NFAT5: variants seen among roughly 807,000 people sequenced by gnomAD.
NFAT5 encodes the protein nuclear factor of activated T cells 5.
Under a neutral mutation model 166.5 loss-of-function variants are expected in NFAT5, and 31 were observed. The ratio of observed to expected loss-of-function variants is 0.19; its 90% CI spans 0.14 to 0.25. NFAT5 has a LOEUF of 0.25. NFAT5 is among the 10% of genes least tolerant of loss of function. The probability of loss-of-function intolerance (pLI) is 1.00; values close to 1 mark genes in which losing one functional copy is unlikely to be tolerated. For missense variants in NFAT5, 1,449 were observed against 1,821.8 expected (o/e 0.80, Z 3.72); for synonymous variants, 612 against 639.7 (o/e 0.96, Z 0.65).
intron 2 of NFAT5, 104 bp from the exon 3 acceptor site, chr16:69,626,299 C>A: frequency 9.6e-7 from 1 of 1,039,468 alleles, no homozygotes; most frequent in Non-Finnish European, 1.3e-6. Flanking sequence ...GTGAATAATA[C>A]AGTTCTCCTC....
chr16:69,666,941 G>A (rs1244922881), intron 7 of NFAT5, among the ~76,000 whole-genome samples: 1 of 151,888 alleles, frequency 6.6e-6, no homozygotes, highest in Non-Finnish European at 1.5e-5. Context: ...AACAATGATA[G>A]ACTGGATTAA....
chr16:69,655,368 A>T (rs1006850387), intron 5 of NFAT5, among the ~76,000 whole-genome samples: 1 of 152,210 alleles, frequency 6.6e-6, no homozygotes, highest in Non-Finnish European at 1.5e-5. Context: ...ATGATAATTT[A>T]TCATCTAACA....
chr16:69,622,848 A>G (rs981616195), intron 2 of NFAT5, among the ~76,000 whole-genome samples: 11 of 150,988 alleles, frequency 7.3e-5, no homozygotes, highest in African/African-American at 1.5e-4. Context: ...AAAAAAAAAG[A>G]AAAAAATAGA....
intron 7 of NFAT5, among the ~76,000 whole-genome samples, chr16:69,664,854 C>A (rs942288627): frequency 2.0e-5 from 3 of 151,976 alleles, no homozygotes; most frequent in Non-Finnish European, 2.9e-5. Context: ...ATGGAGAAAA[C>A]CCATCTCTGC....
At position 69,699,832 on chromosome 16, in the gene NFAT5, C is replaced by G. The variant is rs1185154103; in HGVS notation, c.*3481C>G. 4.0e-5 allele frequency: 6 copies of G among 151,284 alleles called. No homozygotes were observed. Among genetic ancestry groups the G allele is most frequent in the African/African-American group, 1.5e-4 (6 of 40,930 alleles). The allele number at this position is 151,284 out of a possible 1,614,324, so 9.4% of individuals were successfully genotyped here. ...TATCTCTTTCTCTCTCTCTCTCTCT[C>G]TCTCTGTGTGTGTGTGTGTATGTGT... On this transcript the variant is annotated 3_prime_UTR_variant, in exon 15 of 15. Transcript: ENST00000349945.
At chr16:69,695,096 G>T in intron 13 of NFAT5, 40 bp from the exon 14 acceptor site, 1 of 1,398,482 alleles carries the variant, frequency 7.2e-7, no homozygotes, top group Admixed American at 1.7e-5. Flanking sequence ...TCTGCAGACT[G>T]TAGTCAGCTT....
intron 3 of NFAT5, among the ~76,000 whole-genome samples, chr16:69,629,834 C>G (rs993590073): frequency 6.8e-6 from 1 of 146,964 alleles, no homozygotes; most frequent in Non-Finnish European, 1.5e-5. Context: ...ACTGGTGTGA[C>G]CTTGACTCAC....
chr16:69,608,358 CTCTCTGAGTGTG>C (rs2033525788), intron 2 of NFAT5, among the ~76,000 whole-genome samples: 1 of 152,166 alleles, frequency 6.6e-6, no homozygotes, highest in Non-Finnish European at 1.5e-5. Context: ...CTCCAGCGTT[CTCTCTGAGTGTG>C]TCTCTCCTTT....
At chr16:69,574,316 A>G (rs1003419944) in intron 2 of NFAT5, among the ~76,000 whole-genome samples, 10 of 152,328 alleles carry the variant, frequency 6.6e-5, no homozygotes, top group African/African-American at 2.2e-4. Context: ...ACATTTTTCA[A>G]TAGAAATGTT....
chr16:69,649,412 T>C lies in NFAT5; in HGVS notation c.812+1826T>C, dbSNP rs979091948. 4.1e-6 allele frequency: 4 copies of C among 983,834 alleles called. No individual in the cohort carries two copies. The African/African-American group carries it at 7.0e-5, about 17-fold the overall frequency. The allele number at this position is 983,834 out of a possible 1,614,324, so 60.9% of individuals were successfully genotyped here. On this transcript the variant is annotated intron_variant, in intron 4 of 14. Coordinates refer to ENST00000349945, the MANE Select transcript of NFAT5 (RefSeq NM_138713.4). ...TGCTAATTAAATATCTTGACCTTCA[T>C]TTTTCTGCTTCTACTTTTGTATGAT...
At chr16:69,627,323 CATATATATAT>C (rs10524659) in intron 3 of NFAT5, among the ~76,000 whole-genome samples, 32 of 128,830 alleles carry the variant, frequency 2.5e-4, no homozygotes, top group Non-Finnish European at 3.5e-4. Context: ...AAAAAGGAAA[CATATATATAT>C]ATATATATAT....
At chr16:69,684,282 T>C (rs2037194826) in intron 10 of NFAT5, among the ~76,000 whole-genome samples, 2 of 133,842 alleles carry the variant, frequency 1.5e-5, no homozygotes, top group South Asian at 4.8e-4. Flanking sequence ...AAAAATTGGC[T>C]GGGCACGGTG....
intron 2 of NFAT5, among the ~76,000 whole-genome samples, chr16:69,618,749 T>A (rs2034069829): frequency 1.3e-5 from 2 of 152,214 alleles, no homozygotes; most frequent in Admixed American, 6.5e-5. Context: ...AGGTTTTTTT[T>A]AAAGTAAAAT....
intron 5 of NFAT5, among the ~76,000 whole-genome samples, chr16:69,654,022 G>GA (rs143857443): frequency 1.8e-4 from 27 of 149,390 alleles, no homozygotes; most frequent in South Asian, 4.2e-4. Flanking sequence ...AGGAAATGAG[G>GA]AAAAAAAAAG....
At chr16:69,569,366 C>A (rs1479150858) in intron 2 of NFAT5, among the ~76,000 whole-genome samples, 1 of 150,456 alleles carries the variant, frequency 6.6e-6, no homozygotes, top group Non-Finnish European at 1.5e-5. Context: ...ATAATACTTT[C>A]TGCGTTTCAG....
Position 69,674,043 on chromosome 16 carries a change from G to A in NFAT5, c.1558-3160G>A, listed in dbSNP as rs147941169. Among the ~76,000 whole-genome samples, 805 of 151,898 alleles carry A rather than the reference G, an allele frequency of 5.3e-3. 8 individuals carry two copies. The highest frequency in any genetic ancestry group is 0.019 in the African/African-American group (771 of 41,410). ...GAATCACCTGAGGTCAGGAGTTCGC[G>A]ACCAGCCTAGACAATATGGCAAAAC... On this transcript the variant is annotated intron_variant, in intron 9 of 14. Transcript: ENST00000349945.
chr16:69,695,612 G>C (rs947878280), intron 14 of NFAT5: 10 of 390,002 alleles, frequency 2.6e-5, no homozygotes, highest in African/African-American at 1.8e-4. Context: ...GAGAGACCAA[G>C]GTGGGCGGAT....
chr16:69,581,982 CG>C (rs2031728528), intron 2 of NFAT5, among the ~76,000 whole-genome samples: 1 of 151,840 alleles, frequency 6.6e-6, no homozygotes, highest in Non-Finnish European at 1.5e-5. Context: ...GTTATTAGGC[CG>C]GGTGGGCGCA....
intron 5 of NFAT5, among the ~76,000 whole-genome samples, chr16:69,654,939 A>G (rs1597478782): frequency 6.6e-6 from 1 of 152,234 alleles, no homozygotes; most frequent in East Asian, 1.9e-4. Flanking sequence ...TCAGGATTGG[A>G]AACATTTGTT....
Sources: allele counts gnomAD v4.1 joint callset (sites outside exome capture counted in the v4.1 genomes callset), GRCh38; gene constraint gnomAD v4.1.1; transcripts MANE v1.5; gene names NCBI Gene and HGNC (gene_info 2026-07-23, HGNC 2026-07-21).